TENM4: variants seen among roughly 807,000 people sequenced by gnomAD.
TENM4 encodes the protein teneurin transmembrane protein 4.
In TENM4, 82 loss-of-function variants were observed where a neutral mutation model predicts 243.3. The ratio of observed to expected loss-of-function variants is 0.34; its 90% CI spans 0.28 to 0.40. The LOEUF is 0.40. Among genes scored for constraint, TENM4 ranks in the 10% least tolerant of loss-of-function variants. The pLI is 1.00. For synonymous variants in TENM4, 1,412 were observed against 1,456.3 expected (o/e 0.97, Z 0.69); for missense variants, 3,138 against 3,673.3 (o/e 0.85, Z 3.77).
chr11:79,244,599 T>C (rs1855481471), intron 2 of TENM4, among the ~76,000 whole-genome samples: 1 of 152,186 alleles, frequency 6.6e-6, no homozygotes, highest in African/African-American at 2.4e-5. Context: ...AGTTATATTA[T>C]GTTGTCGAAC....
At chr11:79,389,759 C>A (rs1565326435) in intron 1 of TENM4, among the ~76,000 whole-genome samples, 1 of 152,210 alleles carries the variant, frequency 6.6e-6, no homozygotes, top group Non-Finnish European at 1.5e-5. Flanking sequence ...CCATTTCTCC[C>A]ATCAGTAGAC....
chr11:79,244,439 ATGTG>A (rs10538527), intron 2 of TENM4, among the ~76,000 whole-genome samples: 23 of 149,778 alleles, frequency 1.5e-4, no homozygotes, highest in Admixed American at 3.3e-4. Context: ...GTATGTGTCT[ATGTG>A]TGTGTGTGTG....
chr11:79,246,490 C>G (rs2135293552), intron 2 of TENM4, among the ~76,000 whole-genome samples: 1 of 152,260 alleles, frequency 6.6e-6, no homozygotes, highest in East Asian at 1.9e-4. Context: ...GTCCATAGCA[C>G]CATCATTTGT....
At chr11:78,840,736 T>C (rs957842141) in intron 12 of TENM4, among the ~76,000 whole-genome samples, 5 of 152,042 alleles carry the variant, frequency 3.3e-5, no homozygotes, top group African/African-American at 1.2e-4. Flanking sequence ...CTTCCCAGTG[T>C]TGTATGAAAG....
In TENM4 at chr11:79,325,378, G is replaced by A. The variant is rs1434826103; in HGVS notation, c.-320-27835C>T. Among the ~76,000 whole-genome samples, 3 of 152,176 alleles carry A rather than the reference G, an allele frequency of 2.0e-5. No homozygotes were observed. In the East Asian group the frequency reaches 5.8e-4, roughly 29 times the overall value. ...CTTGGAGAAGTGAAGTGGCCAATAT[G>A]GAATTAGAACTCACAGCTGTTTGAA... On this transcript the variant is annotated intron_variant, in intron 1 of 33. Coordinates refer to ENST00000278550, the MANE Select transcript of TENM4 (RefSeq NM_001098816.3).
At chr11:79,112,848 C>T (rs1400392566) in intron 4 of TENM4, among the ~76,000 whole-genome samples, 1 of 152,166 alleles carries the variant, frequency 6.6e-6, no homozygotes, top group East Asian at 1.9e-4. Flanking sequence ...TTCCTCCCAT[C>T]CTCTCCCCAC....
chr11:79,331,774 C>A (rs776317361), intron 1 of TENM4, among the ~76,000 whole-genome samples: 1 of 152,240 alleles, frequency 6.6e-6, no homozygotes, highest in Admixed American at 6.5e-5. Context: ...GCAGGGGAGC[C>A]TCGCAGGGGC....
intron 6 of TENM4, among the ~76,000 whole-genome samples, chr11:78,939,654 G>T (rs1355272678): frequency 6.6e-6 from 1 of 152,126 alleles, no homozygotes; most frequent in African/African-American, 2.4e-5. Context: ...CAAACTATTA[G>T]TAAAATGGGT....
chr11:79,435,732 T>C (rs1859259755), intron 1 of TENM4, among the ~76,000 whole-genome samples: 1 of 152,290 alleles, frequency 6.6e-6, no homozygotes, highest in Admixed American at 6.5e-5. Flanking sequence ...CAAGTCTCAT[T>C]TTCCTTCAAC....
At position 78,657,248 on chromosome 11, in the gene TENM4, C is replaced by G; in HGVS notation, c.*810G>C. 2.5e-6 allele frequency: 1 copy of G among 398,596 alleles called. No homozygotes were observed. Among genetic ancestry groups the G allele is most frequent in the Non-Finnish European group, 4.4e-6 (1 of 226,168 alleles). 24.7% of individuals were successfully genotyped at this position (398,596 alleles called of 1,614,324 possible). A position where few individuals can be genotyped will look rare whatever the true frequency, so the allele number is the denominator to read the frequency against. Reference sequence around the variant, plus strand: ...CAGGCATCCTGGGTGCTTTCCCTCCCGGGAGGATGGGACTCTGAGCCCAGG... The same window carrying G: ...CAGGCATCCTGGGTGCTTTCCCTCCGGGGAGGATGGGACTCTGAGCCCAGG... On this transcript the variant is annotated 3_prime_UTR_variant, in exon 34 of 34. Coordinates refer to ENST00000278550, the MANE Select transcript of TENM4 (RefSeq NM_001098816.3).
In TENM4 at chr11:79,270,795, A is replaced by G. The variant is rs574922767; in HGVS notation, c.-265+26693T>C. Among the ~76,000 whole-genome samples the G allele has an allele frequency of 4.6e-5, 7 of 152,266 alleles. No homozygotes were observed. In the South Asian group the frequency reaches 1.5e-3, roughly 32 times the overall value. ...GGCTGCCTCTCTGTGTTTCCCTTGT[A>G]TAATTTGCAGGGCAGTTACTCAACT... On this transcript the variant is annotated intron_variant, in intron 2 of 33. Transcript: ENST00000278550.
rs571044495 is a variant in TENM4 at position 78,748,246 on chromosome 11, T to C, written c.2756+8559A>G. Among the ~76,000 whole-genome samples the C allele has an allele frequency of 2.6e-5, 4 of 152,328 alleles. No homozygotes were observed. The South Asian group carries it at 8.3e-4, about 32-fold the overall frequency. ...AATGCTTACTGCCCTAATACCTAAG[T>C]GTTTTACATGTGCTAACTTAATCCC... On this transcript the variant is annotated intron_variant, in intron 19 of 33. Transcript: ENST00000278550.
chr11:78,894,989 A>G (rs1469743667), intron 7 of TENM4, among the ~76,000 whole-genome samples: 2 of 111,288 alleles, frequency 1.8e-5, no homozygotes, highest in African/African-American at 7.9e-5. Context: ...TAAAAAAAAA[A>G]AAAAAAAAAA....
intron 20 of TENM4, among the ~76,000 whole-genome samples, chr11:78,737,647 T>G (rs1371249980): frequency 6.6e-6 from 1 of 152,224 alleles, no homozygotes; most frequent in Non-Finnish European, 1.5e-5. Context: ...AGCCTAAATA[T>G]TCCACTTTCC....
At chr11:79,355,261 G>A (rs1338528210) in intron 1 of TENM4, among the ~76,000 whole-genome samples, 5 of 152,178 alleles carry the variant, frequency 3.3e-5, no homozygotes, top group Admixed American at 2.6e-4. Flanking sequence ...AGCCAGTCAT[G>A]GTGACTCACA....
intron 6 of TENM4, among the ~76,000 whole-genome samples, chr11:78,931,318 A>G (rs77359212): frequency 0.02 from 3,038 of 152,240 alleles, 83 homozygotes; most frequent in African/African-American, 0.067. Flanking sequence ...GGCCCATATT[A>G]AAAAGAAAGG....
chr11:79,282,354 G>A (rs1247833798), intron 2 of TENM4, among the ~76,000 whole-genome samples: 1 of 152,168 alleles, frequency 6.6e-6, no homozygotes, highest in Non-Finnish European at 1.5e-5. Context: ...CCAGGGCCTG[G>A]CACAGGAAAG....
At chr11:78,960,346 A>C (rs117429309) in intron 6 of TENM4, among the ~76,000 whole-genome samples, 1 of 152,128 alleles carries the variant, frequency 6.6e-6, no homozygotes, top group African/African-American at 2.4e-5. Flanking sequence ...TCAAGGACAA[A>C]GATCTCTCTG....
Position 78,918,077 on chromosome 11 carries a change from CA to C in TENM4, c.494-14555del, listed in dbSNP as rs1240156879. ...CATGGCAACTAAGTGCCAAGAAATCCAAGTCTGTCTGGCTTCGACTCCCGTG... is the reference window on the plus strand; with the variant it reads ...CATGGCAACTAAGTGCCAAGAAATCCAGTCTGTCTGGCTTCGACTCCCGTG... On this transcript the variant is annotated intron_variant, in intron 6 of 33. Transcript: ENST00000278550. Among the ~76,000 whole-genome samples the C allele has an allele frequency of 2.6e-5, 4 of 152,256 alleles. No individual in the cohort carries two copies. The East Asian group carries it at 5.8e-4, about 22-fold the overall frequency.
Sources: allele counts gnomAD v4.1 joint callset (sites outside exome capture counted in the v4.1 genomes callset), GRCh38; gene constraint gnomAD v4.1.1; transcripts MANE v1.5; gene names NCBI Gene and HGNC (gene_info 2026-07-23, HGNC 2026-07-21).